Variants in CAPZB observed in about 807,000 individuals in gnomAD.
CAPZB encodes the protein F-actin-capping protein subunit beta.
In CAPZB, 2 loss-of-function variants were observed where a neutral mutation model predicts 38.1. The observed-to-expected ratio is 0.05, with a 90% CI of 0.02 to 0.17. The LOEUF (loss-of-function observed/expected upper bound fraction) is 0.17, where lower values mean the gene tolerates loss of function less well. Among genes scored for constraint, CAPZB ranks in the 10% least tolerant of loss-of-function variants. CAPZB has a pLI of 1.00. For missense variants in CAPZB, 161 were observed against 334.2 expected (o/e 0.48, Z 4.04); for synonymous variants, 107 against 127.4 (o/e 0.84, Z 1.08).
chr1:19,407,039 T>G (rs1161937832), intron 2 of CAPZB, among the ~76,000 whole-genome samples: 1 of 152,180 alleles, frequency 6.6e-6, no homozygotes, highest in Non-Finnish European at 1.5e-5. Flanking sequence ...TCAACTTCAA[T>G]GCTCCTAACC....
chr1:19,482,356 T>C (rs1401023105), intron 1 of CAPZB, among the ~76,000 whole-genome samples: 3 of 152,246 alleles, frequency 2.0e-5, no homozygotes, highest in Non-Finnish European at 4.4e-5. Context: ...TCAAGAGACA[T>C]TAATGTCAAC....
At chr1:19,480,125 T>G (rs1395405279) in intron 1 of CAPZB, among the ~76,000 whole-genome samples, 1 of 152,068 alleles carries the variant, frequency 6.6e-6, no homozygotes, top group East Asian at 1.9e-4. Flanking sequence ...TGGCTAAGTC[T>G]TTTCTAGTAC....
At chr1:19,405,699 G>A (rs1286316208) in intron 2 of CAPZB, among the ~76,000 whole-genome samples, 1 of 152,152 alleles carries the variant, frequency 6.6e-6, no homozygotes, top group Non-Finnish European at 1.5e-5. Context: ...AAGAGGGAGA[G>A]GGAGATTAAC....
chr1:19,355,489 C>T (rs1373088394), intron 6 of CAPZB, among the ~76,000 whole-genome samples: 8 of 140,456 alleles, frequency 5.7e-5, no homozygotes, highest in Non-Finnish European at 1.1e-4. Flanking sequence ...AGCGAGACTC[C>T]GTCTCAAAAA....
At chr1:19,422,321 AC>A (rs1480503396) in intron 1 of CAPZB, among the ~76,000 whole-genome samples, 1 of 152,122 alleles carries the variant, frequency 6.6e-6, no homozygotes, top group Non-Finnish European at 1.5e-5. Flanking sequence ...ACAAAGAATC[AC>A]CCGGCCCAAA....
intron 1 of CAPZB, among the ~76,000 whole-genome samples, chr1:19,472,466 G>T (rs1191289896): frequency 6.6e-6 from 1 of 152,174 alleles, no homozygotes; most frequent in Non-Finnish European, 1.5e-5. Context: ...GAACCAGCTG[G>T]TCCTGAGTGT....
intron 2 of CAPZB, among the ~76,000 whole-genome samples, chr1:19,393,807 A>C (rs2094251322): frequency 6.6e-6 from 1 of 152,148 alleles, no homozygotes; most frequent in African/African-American, 2.4e-5. Flanking sequence ...AGCCCACAGC[A>C]GATCCGACAT....
chr1:19,397,581 T>C (rs187444355), intron 2 of CAPZB, among the ~76,000 whole-genome samples: 90 of 152,258 alleles, frequency 5.9e-4, no homozygotes, highest in African/African-American at 1.7e-3. Flanking sequence ...CTTGGCAAGA[T>C]TGGTTTTTCA....
chr1:19,385,697 C>A, intron 2 of CAPZB, 71 bp from the exon 3 acceptor site: 1 of 1,586,400 alleles, frequency 6.3e-7, no homozygotes, highest in Non-Finnish European at 8.7e-7. Flanking sequence ...GCTAACAATA[C>A]TGCAGCCATA....
intron 1 of CAPZB, among the ~76,000 whole-genome samples, chr1:19,441,573 C>G (rs1384061492): frequency 1.3e-5 from 2 of 151,850 alleles, no homozygotes; most frequent in Non-Finnish European, 2.9e-5. Flanking sequence ...CAACATACAC[C>G]CAGGGTGGCT....
chr1:19,352,476 C>T lies in CAPZB; in HGVS notation c.588+4159G>A, dbSNP rs546584810. ...GATTTACAATCTCGCCTCTTTCCCA[C>T]GTCTCTGCTGTCACATAGGAGAAGT... On this transcript the variant is annotated intron_variant, in intron 6 of 8. Coordinates refer to ENST00000264202, the MANE Select transcript of CAPZB (RefSeq NM_004930.5). Among the ~76,000 whole-genome samples the T allele has an allele frequency of 2.9e-4, 44 of 152,398 alleles. No homozygotes were observed. The East Asian group carries it at 6.9e-3, about 24-fold the overall frequency.
intron 2 of CAPZB, among the ~76,000 whole-genome samples, chr1:19,389,255 C>T (rs779820522): frequency 1.3e-5 from 2 of 152,156 alleles, no homozygotes; most frequent in African/African-American, 2.4e-5. Flanking sequence ...CCTCAAACAA[C>T]CACACGGTCC....
At chr1:19,431,503 C>T (rs2094441593) in intron 1 of CAPZB, among the ~76,000 whole-genome samples, 1 of 151,930 alleles carries the variant, frequency 6.6e-6, no homozygotes, top group Non-Finnish European at 1.5e-5. Context: ...ACCATCTGGC[C>T]GAGGTCAGCA....
chr1:19,449,997 C>T (rs1455643275), intron 1 of CAPZB, among the ~76,000 whole-genome samples: 1 of 150,648 alleles, frequency 6.6e-6, no homozygotes, highest in African/African-American at 2.4e-5. Flanking sequence ...AAAAAATTAG[C>T]CAGGCATGAT....
chr1:19,429,614 T>C (rs1370773556), intron 1 of CAPZB, among the ~76,000 whole-genome samples: 1 of 152,142 alleles, frequency 6.6e-6, no homozygotes. Context: ...CAGAGCATCC[T>C]CCATAAAGGG....
intron 1 of CAPZB, among the ~76,000 whole-genome samples, chr1:19,479,893 G>A (rs547581845): frequency 5.5e-4 from 83 of 152,192 alleles, no homozygotes; most frequent in Non-Finnish European, 9.3e-4. Context: ...CCATGGGCTC[G>A]CATCTACTGC....
chr1:19,434,481 T>C (rs2094451754), intron 1 of CAPZB, among the ~76,000 whole-genome samples: 1 of 150,242 alleles, frequency 6.7e-6, no homozygotes, highest in Non-Finnish European at 1.5e-5. Context: ...TCCTAGCACT[T>C]TGGGAAGCTG....
intron 2 of CAPZB, among the ~76,000 whole-genome samples, chr1:19,396,121 G>A (rs981695212): frequency 1.3e-5 from 2 of 152,252 alleles, no homozygotes; most frequent in African/African-American, 4.8e-5. Context: ...CTCTACTCCT[G>A]CACCCTGTGC....
At chr1:19,409,962 C>T (rs957007691) in intron 2 of CAPZB, among the ~76,000 whole-genome samples, 82 of 152,362 alleles carry the variant, frequency 5.4e-4, no homozygotes, top group African/African-American at 1.8e-3. Flanking sequence ...AATATGACTA[C>T]ATGCTGTTGC....
Sources: allele counts gnomAD v4.1 joint callset (sites outside exome capture counted in the v4.1 genomes callset), GRCh38; gene constraint gnomAD v4.1.1; transcripts MANE v1.5; gene names NCBI Gene and HGNC (gene_info 2026-07-23, HGNC 2026-07-21).